Variants in TNXB observed in about 807,000 individuals in gnomAD.
The protein encoded by TNXB is tenascin-X.
In TNXB, 183 loss-of-function variants were observed where a neutral mutation model predicts 340.5. That is an observed-to-expected ratio of 0.54 (90% CI 0.48 to 0.61). The LOEUF (loss-of-function observed/expected upper bound fraction) is 0.61. Among genes scored for constraint, TNXB ranks in the 20% least tolerant of loss-of-function variants. The pLI, the probability that TNXB is intolerant of heterozygous loss-of-function variation, is 0.00. For synonymous variants in TNXB, 2,121 were observed against 2,314.5 expected (o/e 0.92, Z 2.40); for missense variants, 4,613 against 5,446.4 (o/e 0.85, Z 4.82).
chr6:32,091,551 C>T (rs1311595592), intron 4 of TNXB, among the ~76,000 whole-genome samples: 1 of 151,674 alleles, frequency 6.6e-6, no homozygotes, highest in African/African-American at 2.4e-5. Flanking sequence ...GATCTCAGCT[C>T]ACTACAACCT....
Position 32,069,706 on chromosome 6 carries a change from C to T in TNXB, c.5434G>A (p.Asp1812Asn). The change falls in exon 15 of 44, where the codon GAC (aspartate) becomes AAC (asparagine). Residue 1812 changes from aspartate (D) to asparagine (N), a missense_variant. By Grantham distance (23) the Asp-to-Asn change is conservative (BLOSUM62 1). This residue lies in a region of TNXB where 4,327 missense variants were observed against 4,859.4 expected (regional missense o/e 0.89). Transcript: ENST00000644971. This position sits in a 1 kb window ranked among gnomAD's most constrained non-coding sequence, Gnocchi z 6.2. ...ACCACCTGGGGCTGCCCGTCCCTGT[C>T]TTTGTACTGGACCACAAAGGAGTCA... ...QFDSFVVQYK[D>N]RDGQPQVVPV... 2 of 1,612,982 alleles carry T rather than the reference C, an allele frequency of 1.2e-6. No individual in the cohort carries two copies. The highest frequency in any genetic ancestry group is 1.7e-6 in the Non-Finnish European group (2 of 1,179,576).
rs373715345 is a variant in TNXB at position 32,052,776 on chromosome 6, G to A, written c.9009C>T (p.Ser3003=). 17 of 1,613,584 alleles carry A rather than the reference G, an allele frequency of 1.1e-5. No individual in the cohort carries two copies. The highest frequency in any genetic ancestry group is 4.5e-5 in the East Asian group (2 of 44,894). ...PQVVRVRGEE[S]EVTVGGLEPG... ...GCTCCAGGCCCCCCACGGTGACCTC[G>A]CTCTCCTCGCCCCTGACACGCACCA... The change falls in exon 26 of 44, where the codon AGC becomes AGT. Residue 3003 remains serine (S), a synonymous_variant. Transcript: ENST00000644971. The surrounding 1 kb of genome is among the most constrained non-coding windows in gnomAD (Gnocchi z 4.7).
In TNXB at chr6:32,072,367, T is replaced by A; in HGVS notation, c.4682-69A>T. 1 of 1,353,720 alleles carries A rather than the reference T, an allele frequency of 7.4e-7. No homozygotes were observed. The highest frequency in any genetic ancestry group is 9.9e-7 in the Non-Finnish European group (1 of 1,007,914). The allele number at this position is 1,353,720 out of a possible 1,614,324, so 83.9% of individuals were successfully genotyped here. On this transcript the variant is annotated intron_variant, in intron 12 of 43. Coordinates refer to ENST00000644971, the MANE Select transcript of TNXB (RefSeq NM_001365276.2). The surrounding 1 kb of genome is among the most constrained non-coding windows in gnomAD (Gnocchi z 4.4). ...GGAGAACCCCTGGGCTTTGAGGGCC[T>A]CAGGGGGGCTGTGAACTGAGATGGG...
In TNXB at chr6:32,085,839, G is replaced by T. The variant is rs759852399; in HGVS notation, c.3059C>A (p.Pro1020His). ...GDVRQALVPP[P>H]PPGTPYELSL... Reference sequence around the variant, plus strand: ...CAGCTCATACGGGGTTCCAGGAGGGGGTGGAGGCACCAGAGCCTGGCGGAC... The same window carrying T: ...CAGCTCATACGGGGTTCCAGGAGGGTGTGGAGGCACCAGAGCCTGGCGGAC... Residue 1020 changes from proline (P) to histidine (H), a missense_variant, in exon 7 of 44, where the codon CCC becomes CAC. Transcript: ENST00000644971. The surrounding 1 kb of genome is among the most constrained non-coding windows in gnomAD (Gnocchi z 6.4). The T allele has an allele frequency of 6.2e-7, 1 of 1,606,546 alleles. No homozygotes were observed. The highest frequency in any genetic ancestry group is 8.5e-7 in the Non-Finnish European group (1 of 1,177,690).
chr6:32,059,544 G>C (rs925298193), intron 21 of TNXB, among the ~76,000 whole-genome samples: 8 of 151,982 alleles, frequency 5.3e-5, no homozygotes, highest in African/African-American at 1.9e-4. Context: ...GGGTCCCTCA[G>C]CCTGTCCTCT....
Position 32,070,393 on chromosome 6 carries a change from G to A in TNXB, c.5012C>T (p.Pro1671Leu), listed in dbSNP as rs1161763623. The change falls in exon 14 of 44, where the codon CCA becomes CTA. Residue 1671 changes from proline to leucine, a missense_variant. This residue lies in a region of TNXB where 4,327 missense variants were observed against 4,859.4 expected (regional missense o/e 0.89). Transcript: ENST00000644971. The surrounding 1 kb of genome is among the most constrained non-coding windows in gnomAD (Gnocchi z 6.0). ...AKTVARGDAS[P>L]GAPPRLGELW... ...CTCCCCAAGGCGGGGTGGGGCCCCTGGGCTGGCGTCACCTCGGGCAACTGG... is the reference window on the plus strand; with the variant it reads ...CTCCCCAAGGCGGGGTGGGGCCCCTAGGCTGGCGTCACCTCGGGCAACTGG... The A allele has an allele frequency of 6.3e-7, 1 of 1,592,964 alleles. No homozygotes were observed. The highest frequency in any genetic ancestry group is 8.6e-7 in the Non-Finnish European group (1 of 1,167,232).
intron 11 of TNXB, among the ~76,000 whole-genome samples, chr6:32,076,966 A>G (rs560146424): frequency 6.6e-6 from 1 of 152,302 alleles, no homozygotes; most frequent in Non-Finnish European, 1.5e-5. Flanking sequence ...TGGGTGACAA[A>G]GCAAGACTCT....
chr6:32,096,804 C>A lies in TNXB; in HGVS notation c.1049G>T (p.Gly350Val). ...RSCPWDCGEG[G>V]RCVDGRCVCW... ...CACGCAGCGGCCGTCCACGCAGCGC[C>A]CGCCCTCGCCACAGTCCCAGGGGCA... Residue 350 changes from glycine to valine, a missense_variant, in exon 3 of 44, where the codon GGG (glycine) becomes GTG (valine). This residue lies in a region of TNXB where 4,327 missense variants were observed against 4,859.4 expected (regional missense o/e 0.89). Transcript: ENST00000644971. The A allele has an allele frequency of 6.3e-7, 1 of 1,589,396 alleles. No individual in the cohort carries two copies. The highest frequency in any genetic ancestry group is 8.6e-7 in the Non-Finnish European group (1 of 1,169,190).
In TNXB at chr6:32,049,535, A is replaced by G. The variant is rs752904451; in HGVS notation, c.9492T>C (p.Pro3164=). 1 of 1,612,440 alleles carries G rather than the reference A, an allele frequency of 6.2e-7. No homozygotes were observed. ...TCAACTCCCCCAGGAGCGGCTCCTCAGGGGCCTCCGGGGCCTCAGTGCTGG... is the reference window on the plus strand; with the variant it reads ...TCAACTCCCCCAGGAGCGGCTCCTCGGGGGCCTCCGGGGCCTCAGTGCTGG... ...TEPSTEAPEA[P]EEPLLGELTV... is the part of the protein sequence containing the mutation. The change falls in exon 28 of 44, where the codon CCT becomes CCC. Residue 3164 remains proline (P), a synonymous_variant. Transcript: ENST00000644971. This position sits in a 1 kb window ranked among gnomAD's most constrained non-coding sequence, Gnocchi z 4.5.
At position 32,079,801 on chromosome 6, in the gene TNXB, A is replaced by G. The variant is rs1234967523; in HGVS notation, c.4043-436T>C. On this transcript the variant is annotated intron_variant, in intron 10 of 43. Coordinates refer to ENST00000644971, the MANE Select transcript of TNXB (RefSeq NM_001365276.2). The surrounding 1 kb of genome is among the most constrained non-coding windows in gnomAD (Gnocchi z 7.1). ...GCAGCCCTGCCCCTCCCTCCCCTTT[A>G]ACCCCAAGGAATGAATTGCTAAGGC... Among the ~76,000 whole-genome samples the G allele has an allele frequency of 6.6e-6, 1 of 152,086 alleles. No homozygotes were observed. Among genetic ancestry groups the G allele is most frequent in the Non-Finnish European group, 1.5e-5 (1 of 68,004 alleles).
At position 32,081,316 on chromosome 6, in the gene TNXB, C is replaced by G; in HGVS notation, c.4042+52G>C. 2.0e-6 allele frequency: 3 copies of G among 1,489,122 alleles called. No individual in the cohort carries two copies. In the Admixed American group the frequency reaches 6.2e-5, roughly 31 times the overall value. 92.2% of individuals were successfully genotyped at this position (1,489,122 alleles called of 1,614,324 possible). ...GCTGGAAGGAGCCCCAGCCAAGTCC[C>G]GCTCACAGGATGGGGCTAGCAGGGG... On this transcript the variant is annotated intron_variant, in intron 10 of 43. Coordinates refer to ENST00000644971, the MANE Select transcript of TNXB (RefSeq NM_001365276.2). This position sits in a 1 kb window ranked among gnomAD's most constrained non-coding sequence, Gnocchi z 5.1.
intron 42 of TNXB, 38 bp from the exon 43 acceptor site, chr6:32,041,972 C>T (rs2151879747): frequency 1.8e-6 from 1 of 561,286 alleles, no homozygotes; most frequent in Admixed American, 3.1e-5. Context: ...AGGGCCTCCC[C>T]TCCCAGCCTC....
At position 32,096,114 on chromosome 6, in the gene TNXB, T is replaced by C. The variant is rs761561411; in HGVS notation, c.1739A>G (p.Tyr580Cys). The C allele has an allele frequency of 7.9e-5, 127 of 1,606,376 alleles. No homozygotes were observed. The highest frequency in any genetic ancestry group is 1.1e-4 in the Non-Finnish European group (125 of 1,177,438). Residue 580 changes from tyrosine (Y) to cysteine (C), a missense_variant, in exon 3 of 44, where the codon TAC (tyrosine) becomes TGC (cysteine). Physicochemically the swap from Tyr to Cys is radical, Grantham distance 194 (BLOSUM62 -2). Coordinates refer to ENST00000644971, the MANE Select transcript of TNXB (RefSeq NM_001365276.2). ...LDGRCVCEDGYSGEDCGVRQC... is the reference protein window; with the variant it reads ...LDGRCVCEDGCSGEDCGVRQC... ...CCTCACACCGCAATCCTCGCCAGAG[T>C]AGCCGTCCTCGCACACACACCGCCC...
At position 32,096,051 on chromosome 6, in the gene TNXB, T is replaced by C. The variant is rs1027446836; in HGVS notation, c.1802A>G (p.Gln601Arg). 6.2e-7 allele frequency: 1 copy of C among 1,613,156 alleles called. No individual in the cohort carries two copies. The highest frequency in any genetic ancestry group is 8.5e-7 in the Non-Finnish European group (1 of 1,179,766). The change falls in exon 3 of 44, where the codon CAG (glutamine) becomes CGG (arginine). Residue 601 changes from glutamine (Q) to arginine (R), a missense_variant. Transcript: ENST00000644971. ...PNDCSQHGVCQDGVCICWEGY... is the reference protein window; with the variant it reads ...PNDCSQHGVCRDGVCICWEGY... ...TTCCCAACAGATGCACACACCGTCC[T>C]GGCACACGCCGTGCTGGCTGCAGTC...
At chr6:32,050,705 C>T (rs1233385485) in intron 26 of TNXB, among the ~76,000 whole-genome samples, 7 of 152,264 alleles carry the variant, frequency 4.6e-5, no homozygotes, top group East Asian at 1.9e-4. Flanking sequence ...AGGCCAGAGC[C>T]TGGGGTGTGT....
rs373648872 is a variant in TNXB, at chr6:32,065,064, T to C, written c.6598A>G (p.Met2200Val). Residue 2200 changes from methionine (M) to valine (V), a missense_variant, in exon 19 of 44, where the codon ATG (methionine) becomes GTG (valine). Transcript: ENST00000644971. ...APLAKLRLGQMTVRDITSDSL... is the reference protein window; with the variant it reads ...APLAKLRLGQVTVRDITSDSL... ...TCGGAGGTGATGTCTCTCACTGTCA[T>C]CTGCCCTAGGCGCAGCTTTGCAAGA... is the stretch of plus-strand genomic sequence containing the variant. 5.6e-5 allele frequency: 90 copies of C among 1,603,090 alleles called. 1 individual carries two copies. The African/African-American group carries it at 1.1e-3, about 19-fold the overall frequency.
At chr6:32,105,436 T>C (rs1780930883) in intron 1 of TNXB, among the ~76,000 whole-genome samples, 1 of 152,250 alleles carries the variant, frequency 6.6e-6, no homozygotes, top group African/African-American at 2.4e-5. Flanking sequence ...TTTATTACTT[T>C]CTTGCCCACT....
At position 32,068,965 on chromosome 6, in the gene TNXB, C is replaced by A; in HGVS notation, c.5759G>T (p.Gly1920Val). 1 of 1,612,872 alleles carries A rather than the reference C, an allele frequency of 6.2e-7. No homozygotes were observed. Residue 1920 changes from glycine to valine, a missense_variant, in exon 16 of 44, where the codon GGG becomes GTG. By Grantham distance (109) the Gly-to-Val change is moderately radical. Transcript: ENST00000644971. This position sits in a 1 kb window ranked among gnomAD's most constrained non-coding sequence, Gnocchi z 5.3. ...TCCTATGCGGACCATTTGGAGTTGC[C>A]CGTCTCTATCTGTGTACTGGATTTC... Reference protein sequence around the residue: ...SFEIQYTDRDGQLQMVRIGGD... With the variant: ...SFEIQYTDRDVQLQMVRIGGD...
chr6:32,096,509 G>A lies in TNXB; in HGVS notation c.1344C>T (p.Gly448=), dbSNP rs1243714925. The A allele has an allele frequency of 1.2e-6, 2 of 1,600,118 alleles. No individual in the cohort carries two copies. Among genetic ancestry groups the A allele is most frequent in the South Asian group, 2.2e-5 (2 of 90,578 alleles). ...TGTAGCCCGCATTGCAAACACACAC[G>A]CCGTTCTCGCAGCGCCCGCGACCTC... ...DCRGRGRCEN[G]VCVCNAGYSG... is the part of the protein sequence containing the mutation. The change falls in exon 3 of 44, where the codon GGC becomes GGT. Residue 448 remains glycine, a synonymous_variant. Coordinates refer to ENST00000644971, the MANE Select transcript of TNXB (RefSeq NM_001365276.2).
Sources: allele counts gnomAD v4.1 joint callset (sites outside exome capture counted in the v4.1 genomes callset), GRCh38; gene constraint gnomAD v4.1.1; regional missense constraint gnomAD v4.1.1; non-coding constraint Gnocchi (gnomAD v3.1); transcripts MANE v1.5; gene names NCBI Gene and HGNC (gene_info 2026-07-23, HGNC 2026-07-21).